Variants in LRRC9 observed in about 807,000 individuals in gnomAD.
The protein encoded by LRRC9 is leucine rich repeat containing 9.
LRRC9 carries 122 observed loss-of-function variants against 63.2 expected under a neutral mutation model. The ratio of observed to expected loss-of-function variants is 1.93; its 90% CI spans 1.67 to 2.24. LRRC9 has a LOEUF of 2.24. Ranked by LOEUF, LRRC9 falls within the 30% of genes most tolerant of loss-of-function variation. LRRC9 has a pLI of 0.00. For missense variants in LRRC9, 1,071 were observed against 627.7 expected, an observed-to-expected ratio of 1.71 and a Z score of -7.55; for synonymous variants, 366 against 213.1, an observed-to-expected ratio of 1.72 and a Z score of -6.25.
At chr14:60,023,651 AT>A (rs1221357817) in intron 27 of LRRC9, among the ~76,000 whole-genome samples, 1 of 151,946 alleles carries the variant, frequency 6.6e-6, no homozygotes, top group African/African-American at 2.4e-5. Flanking sequence ...CTTTACAGTA[AT>A]TTTTTTATTA....
chr14:60,023,669 A>C (rs917590330), intron 27 of LRRC9, among the ~76,000 whole-genome samples: 19 of 152,204 alleles, frequency 1.2e-4, no homozygotes, highest in African/African-American at 4.3e-4. Context: ...ATTATACTTC[A>C]AGTTCTGGGA....
chr14:60,017,096 C>A lies in LRRC9; in HGVS notation c.3317+306C>A, dbSNP rs1478287290. ...ACAGCATTTATGCCATGTTGCCAGG[C>A]TGGTCTCCAATCATGGGCTCAAGTG... On this transcript the variant is annotated intron_variant, in intron 24 of 31. Transcript: ENST00000445360. This position sits in a 1 kb window ranked among gnomAD's most constrained non-coding sequence, Gnocchi z 4.0. Among the ~76,000 whole-genome samples, 1 of 152,020 alleles carries A rather than the reference C, an allele frequency of 6.6e-6. No individual in the cohort carries two copies. The highest frequency in any genetic ancestry group is 2.4e-5 in the African/African-American group (1 of 41,396).
intron 17 of LRRC9, among the ~76,000 whole-genome samples, chr14:59,994,047 G>A (rs2140165570): frequency 6.6e-6 from 1 of 152,198 alleles, no homozygotes; most frequent in African/African-American, 2.4e-5. Context: ...TTCCACAATT[G>A]ACCACATAGT....
At position 59,958,033 on chromosome 14, in the gene LRRC9, A is replaced by T. The variant is rs1253507533; in HGVS notation, c.883-1785A>T. 1.3e-5 allele frequency among the ~76,000 whole-genome samples: 2 copies of T among 152,206 alleles called. No homozygotes were observed. The highest frequency in any genetic ancestry group is 4.8e-5 in the African/African-American group (2 of 41,458). On this transcript the variant is annotated intron_variant, in intron 8 of 31. Transcript: ENST00000445360. The surrounding 1 kb of genome is among the most constrained non-coding windows in gnomAD (Gnocchi z 4.0). ...CTGAAGGAGCACTGGCCTGATGCCA[A>T]CCAGAGCTCTCCTGTATGAGGTGTC...
At chr14:59,933,057 C>T (rs567251731) in intron 6 of LRRC9, among the ~76,000 whole-genome samples, 8 of 152,302 alleles carry the variant, frequency 5.3e-5, no homozygotes, top group African/African-American at 1.4e-4. Flanking sequence ...ACCTAGCACA[C>T]AGTAATCTTA....
intron 23 of LRRC9, 140 bp from the exon 24 acceptor site, chr14:60,016,520 A>G (rs1890699057): frequency 2.0e-6 from 1 of 500,122 alleles, no homozygotes; most frequent in Non-Finnish European, 3.6e-6. Context: ...TTTGTTTCAT[A>G]TATAATGCAC....
At chr14:59,977,746 C>CT (rs1307532944) in intron 14 of LRRC9, among the ~76,000 whole-genome samples, 1 of 151,710 alleles carries the variant, frequency 6.6e-6, no homozygotes, top group African/African-American at 2.4e-5. Flanking sequence ...TTAAGCACTA[C>CT]TAGTCTATGT....
chr14:60,045,669 T>C (rs548471432), intron 29 of LRRC9, among the ~76,000 whole-genome samples: 22 of 152,248 alleles, frequency 1.4e-4, no homozygotes, highest in Non-Finnish European at 2.5e-4. Context: ...TTATCCAGTT[T>C]ATCACTGATG....
chr14:60,005,259 T>A (rs1889721150), intron 21 of LRRC9, among the ~76,000 whole-genome samples: 1 of 152,120 alleles, frequency 6.6e-6, no homozygotes, highest in South Asian at 2.1e-4. Flanking sequence ...GCCTCTCTTC[T>A]GTAGATTTCA....
chr14:59,945,418 A>G (rs1258949370), intron 8 of LRRC9, among the ~76,000 whole-genome samples: 1 of 151,958 alleles, frequency 6.6e-6, no homozygotes, highest in African/African-American at 2.4e-5. Flanking sequence ...GGAGCTGGAG[A>G]GTTGGCTCCT....
chr14:60,037,482 A>G (rs1892544170), intron 29 of LRRC9, among the ~76,000 whole-genome samples: 1 of 152,020 alleles, frequency 6.6e-6, no homozygotes, highest in South Asian at 2.1e-4. Flanking sequence ...ATGGTATCTC[A>G]TTGTGGTTTT....
At position 59,938,711 on chromosome 14, in the gene LRRC9, A is replaced by G. The variant is rs1881316642; in HGVS notation, c.726+139A>G. On this transcript the variant is annotated intron_variant, in intron 7 of 31. Transcript: ENST00000445360. This position sits in a 1 kb window ranked among gnomAD's most constrained non-coding sequence, Gnocchi z 4.2. ...GTCTGCTTTTGCCCTAGTGAACTGG[A>G]TATTACACATAAAAGTATATAAATA... 1 of 428,908 alleles carries G rather than the reference A, an allele frequency of 2.3e-6. No homozygotes were observed. The highest frequency in any genetic ancestry group is 4.1e-6 in the Non-Finnish European group (1 of 245,454). The allele number at this position is 428,908 out of a possible 1,614,324, so 26.6% of individuals were successfully genotyped here. A position where few individuals can be genotyped will look rare whatever the true frequency, so the allele number is the denominator to read the frequency against.
intron 19 of LRRC9, among the ~76,000 whole-genome samples, chr14:60,000,033 G>A (rs1889199920): frequency 6.6e-6 from 1 of 152,034 alleles, no homozygotes; most frequent in East Asian, 1.9e-4. Flanking sequence ...CGAAATCACA[G>A]AATCAACCTA....
At chr14:60,018,040 G>T (rs1414607484) in intron 24 of LRRC9, among the ~76,000 whole-genome samples, 1 of 151,856 alleles carries the variant, frequency 6.6e-6, no homozygotes, top group Non-Finnish European at 1.5e-5. Context: ...ACTTCACTAT[G>T]ATTTCATAAA....
rs1296689019 is a variant in LRRC9 at position 59,938,145 on chromosome 14, G to A, written c.544-245G>A. ...ATCACTGGCTTCAAGGTTCCAGCTG[G>A]AATACATGATTTAGTAAATATTTAA... is the stretch of plus-strand genomic sequence containing the variant. On this transcript the variant is annotated intron_variant, in intron 6 of 31. Transcript: ENST00000445360. This position sits in a 1 kb window ranked among gnomAD's most constrained non-coding sequence, Gnocchi z 4.2. Among the ~76,000 whole-genome samples, 1 of 152,104 alleles carries A rather than the reference G, an allele frequency of 6.6e-6. No individual in the cohort carries two copies. The highest frequency in any genetic ancestry group is 1.5e-5 in the Non-Finnish European group (1 of 68,000).
rs1261758047 is a variant in LRRC9 at position 60,060,564 on chromosome 14, C to A, written c.4276+2542C>A. 1.3e-5 allele frequency among the ~76,000 whole-genome samples: 2 copies of A among 152,008 alleles called. No individual in the cohort carries two copies. The highest frequency in any genetic ancestry group is 4.8e-5 in the African/African-American group (2 of 41,370). On this transcript the variant is annotated intron_variant, in intron 31 of 31. Transcript: ENST00000445360. The surrounding 1 kb of genome is among the most constrained non-coding windows in gnomAD (Gnocchi z 4.0). ...GACCATCCTGGCTAACACGGTGAAA[C>A]CCCGTCTCTACTAAAAATACAAAAA... is the stretch of plus-strand genomic sequence containing the variant.
intron 29 of LRRC9, among the ~76,000 whole-genome samples, chr14:60,043,756 CTT>C (rs368065898): frequency 5.3e-4 from 38 of 71,562 alleles, no homozygotes; most frequent in Non-Finnish European, 6.8e-4. Context: ...TTTTCTTTTC[CTT>C]TTTTTTTTTT....
At position 59,935,667 on chromosome 14, in the gene LRRC9, T is replaced by G. The variant is rs532394851; in HGVS notation, c.544-2723T>G. Reference sequence around the variant, plus strand: ...TATAAAAGGGAGACCTAGCCTTGTTTGGGATGTCAGGACAAGACATCCTTG... The same window carrying G: ...TATAAAAGGGAGACCTAGCCTTGTTGGGGATGTCAGGACAAGACATCCTTG... On this transcript the variant is annotated intron_variant, in intron 6 of 31. Transcript: ENST00000445360. Among the ~76,000 whole-genome samples the G allele has an allele frequency of 3.9e-5, 6 of 152,352 alleles. No homozygotes were observed. In the East Asian group the frequency reaches 1.2e-3, roughly 29 times the overall value.
rs1881921826 is a variant in LRRC9, at chr14:59,942,775, TCTC to T, written c.727-1813_727-1811del. Among the ~76,000 whole-genome samples, 1 of 150,830 alleles carries T rather than the reference TCTC, an allele frequency of 6.6e-6. No homozygotes were observed. The highest frequency in any genetic ancestry group is 1.5e-5 in the Non-Finnish European group (1 of 67,842). Reference sequence around the variant, plus strand: ...CTGCATCCTCGCCAGCATCTCTCTCTCTCTTTTTTTTTTCTGTCTTTTTGATAA... The same window carrying T: ...CTGCATCCTCGCCAGCATCTCTCTCTTTTTTTTTTTCTGTCTTTTTGATAA... On this transcript the variant is annotated intron_variant, in intron 7 of 31. Coordinates refer to ENST00000445360, the Ensembl canonical transcript of LRRC9. This position sits in a 1 kb window ranked among gnomAD's most constrained non-coding sequence, Gnocchi z 5.3.
Sources: gnomAD v4.1 joint callset for allele counts (sites outside exome capture counted in the v4.1 genomes callset) on GRCh38, gnomAD v4.1.1 for gene constraint, Gnocchi (gnomAD v3.1) non-coding constraint, MANE v1.5 for transcripts, NCBI Gene and HGNC (gene_info 2026-07-23, HGNC 2026-07-21) for gene names.